HTR1E: variants seen among roughly 807,000 people sequenced by gnomAD.
The protein encoded by HTR1E is 5-hydroxytryptamine receptor 1E, also known as 5-HT-1E.
HTR1E carries 3 observed loss-of-function variants against 3.4 expected under a neutral mutation model. That is an observed-to-expected ratio of 0.89 (90% CI 0.41 to 2.31). HTR1E has a LOEUF of 2.31. HTR1E is among the 30% of genes most tolerant of loss of function. The pLI is 0.05. For synonymous variants in HTR1E, 170 were observed against 182.8 expected (o/e 0.93, Z 0.56); for missense variants, 392 against 467.0 (o/e 0.84, Z 1.48).
At chr6:86,965,231 A>G (rs112472761) in intron 1 of HTR1E, among the ~76,000 whole-genome samples, 66 of 152,280 alleles carry the variant, frequency 4.3e-4, no homozygotes, top group African/African-American at 1.4e-3. Context: ...ATTGACTTGA[A>G]GCAGTTCTCA....
chr6:86,962,280 T>C (rs1195895197), intron 1 of HTR1E, among the ~76,000 whole-genome samples: 1 of 152,186 alleles, frequency 6.6e-6, no homozygotes, highest in Non-Finnish European at 1.5e-5. Flanking sequence ...ATGTCAGAGA[T>C]GCAGTGCAAA....
At chr6:87,009,606 C>G (rs1472095554) in intron 1 of HTR1E, among the ~76,000 whole-genome samples, 1 of 148,736 alleles carries the variant, frequency 6.7e-6, no homozygotes, top group Non-Finnish European at 1.5e-5. Flanking sequence ...GGTGGCCGGG[C>G]AGAGGGGCTC....
At chr6:87,011,768 T>C (rs1275502008) in intron 1 of HTR1E, among the ~76,000 whole-genome samples, 3 of 152,204 alleles carry the variant, frequency 2.0e-5, no homozygotes, top group African/African-American at 7.2e-5. Context: ...CCTATTTATG[T>C]TCTCAAAAGC....
chr6:87,016,284 G>C lies in HTR1E; in HGVS notation c.950G>C (p.Ser317Thr). 6.2e-7 allele frequency: 1 copy of C among 1,612,842 alleles called. No homozygotes were observed. Among genetic ancestry groups the C allele is most frequent in the Non-Finnish European group, 8.5e-7 (1 of 1,179,566 alleles). ...FFIKELIVGL[S>T]IYTVSSEVAD... ...ATCAAAGAGTTGATTGTGGGTCTGA[G>C]CATCTACACCGTGTCCTCGGAAGTG... Residue 317 changes from serine to threonine, a missense_variant, in exon 2 of 2, where the codon AGC becomes ACC. By Grantham distance (58) the Ser-to-Thr change is moderately conservative. This residue lies in a region of HTR1E where 178 missense variants were observed against 164.9 expected (regional missense o/e 1.08). Transcript: ENST00000305344.
At chr6:86,999,757 G>A (rs1041644142) in intron 1 of HTR1E, among the ~76,000 whole-genome samples, 1 of 152,160 alleles carries the variant, frequency 6.6e-6, no homozygotes, top group African/African-American at 2.4e-5. Flanking sequence ...ACCTGAGGTA[G>A]CTTGAGAAAG....
chr6:86,961,096 T>C (rs906849279), intron 1 of HTR1E, among the ~76,000 whole-genome samples: 2 of 152,216 alleles, frequency 1.3e-5, no homozygotes, highest in African/African-American at 4.8e-5. Flanking sequence ...CCAAATACCA[T>C]TATATGCTTT....
chr6:86,976,237 G>A (rs1357701483), intron 1 of HTR1E, among the ~76,000 whole-genome samples: 3 of 152,096 alleles, frequency 2.0e-5, no homozygotes, highest in Non-Finnish European at 4.4e-5. Context: ...AGGTGATCTG[G>A]GAGAGAAAAA....
chr6:86,945,354 C>T (rs1379032152), intron 1 of HTR1E, among the ~76,000 whole-genome samples: 1 of 151,986 alleles, frequency 6.6e-6, no homozygotes, highest in Admixed American at 6.6e-5. Flanking sequence ...GCAATTCTCC[C>T]ACCTCAGCTT....
chr6:86,958,947 TGTGTGTGTGTG>T (rs1767363732), intron 1 of HTR1E, among the ~76,000 whole-genome samples: 1 of 128,374 alleles, frequency 7.8e-6, no homozygotes, highest in South Asian at 2.3e-4. Flanking sequence ...CGTGTGTGTG[TGTGTGTGTGTG>T]TGTGTGTGTG....
intron 1 of HTR1E, among the ~76,000 whole-genome samples, chr6:86,966,293 G>C (rs1033903802): frequency 6.6e-6 from 1 of 152,036 alleles, no homozygotes; most frequent in African/African-American, 2.4e-5. Context: ...AAGTAAGAAG[G>C]AAATAATTGA....
At chr6:86,946,192 T>C (rs72912450) in intron 1 of HTR1E, among the ~76,000 whole-genome samples, 7,273 of 152,324 alleles carry the variant, frequency 0.048, 239 homozygotes, top group African/African-American at 0.073. Flanking sequence ...TAGGCCTTCA[T>C]ATTCGCTCAA....
At chr6:86,997,503 C>T (rs1767960197) in intron 1 of HTR1E, among the ~76,000 whole-genome samples, 1 of 151,484 alleles carries the variant, frequency 6.6e-6, no homozygotes, top group African/African-American at 2.4e-5. Context: ...TAGCATAATA[C>T]AAGATCAATA....
chr6:86,991,885 C>A (rs1582275293), intron 1 of HTR1E, among the ~76,000 whole-genome samples: 1 of 152,282 alleles, frequency 6.6e-6, no homozygotes, highest in East Asian at 1.9e-4. Context: ...GGAGACATTT[C>A]TCTAAATTTT....
chr6:87,016,133 C>G lies in HTR1E; in HGVS notation c.799C>G (p.Pro267Ala), dbSNP rs142001331. Reference sequence around the variant, plus strand: ...GTTCCATGCCTCCATCAGGATCCCCCCCTTCGACAATGATCTAGATCACCC... The same window carrying G: ...GTTCCATGCCTCCATCAGGATCCCCGCCTTCGACAATGATCTAGATCACCC... ...EKFHASIRIP[P>A]FDNDLDHPGE... The change falls in exon 2 of 2, where the codon CCC becomes GCC. Residue 267 changes from proline to alanine, a missense_variant. Coordinates refer to ENST00000305344, the MANE Select transcript of HTR1E (RefSeq NM_000865.3). 42 of 1,614,156 alleles carry G rather than the reference C, an allele frequency of 2.6e-5. No individual in the cohort carries two copies. Among genetic ancestry groups the G allele is most frequent in the Admixed American group, 1.0e-4 (6 of 60,026 alleles).
chr6:86,944,667 A>C (rs544356159), intron 1 of HTR1E, among the ~76,000 whole-genome samples: 5 of 152,324 alleles, frequency 3.3e-5, no homozygotes, highest in African/African-American at 1.2e-4. Context: ...AGTGATGATA[A>C]TAACAGACTT....
At chr6:86,950,220 A>C (rs968110452) in intron 1 of HTR1E, among the ~76,000 whole-genome samples, 1 of 151,808 alleles carries the variant, frequency 6.6e-6, no homozygotes, top group Non-Finnish European at 1.5e-5. Context: ...ATGTTATCTT[A>C]TATTTAATGT....
At chr6:86,939,856 T>C (rs1768520900) in intron 1 of HTR1E, among the ~76,000 whole-genome samples, 2 of 152,228 alleles carry the variant, frequency 1.3e-5, no homozygotes, top group South Asian at 4.1e-4. Flanking sequence ...CCCAAGGGAA[T>C]GGTGCCTACC....
intron 1 of HTR1E, among the ~76,000 whole-genome samples, chr6:86,977,066 T>C (rs565185283): frequency 1.3e-5 from 2 of 152,294 alleles, no homozygotes; most frequent in African/African-American, 2.4e-5. Flanking sequence ...TTTCTTTTTT[T>C]CCCTCTTAAC....
At chr6:86,987,719 C>T (rs1319590694) in intron 1 of HTR1E, among the ~76,000 whole-genome samples, 1 of 152,088 alleles carries the variant, frequency 6.6e-6, no homozygotes, top group Non-Finnish European at 1.5e-5. Context: ...GTTCTGGAGC[C>T]TGAGAATTCC....
Sources: gnomAD v4.1 joint callset for allele counts (sites outside exome capture counted in the v4.1 genomes callset) on GRCh38, gnomAD v4.1.1 for gene constraint, gnomAD v4.1.1 regional missense constraint, MANE v1.5 for transcripts, NCBI Gene and HGNC (gene_info 2026-07-23, HGNC 2026-07-21) for gene names.